The following OTOGL variants were observed in gnomAD, a reference collection of about 807,000 sequenced individuals.
OTOGL encodes the protein otogelin like, also known as otogelin-like protein.
OTOGL carries 285 observed loss-of-function variants against 318.5 expected under a neutral mutation model. That is an observed-to-expected ratio of 0.89 (90% CI 0.81 to 0.99). The LOEUF (loss-of-function observed/expected upper bound fraction) is 0.99, where lower values mean the gene tolerates loss of function less well. Among genes scored for constraint, OTOGL ranks in the 50% least tolerant of loss-of-function variants. The pLI is 0.00. For synonymous variants in OTOGL, 987 were observed against 936.5 expected (o/e 1.05, Z -0.99); for missense variants, 2,899 against 2,845.6 (o/e 1.02, Z -0.43).
In OTOGL at chr12:80,148,353, C is replaced by A. The variant is rs1197741964; in HGVS notation, c.-20+48748C>A. Among the ~76,000 whole-genome samples the A allele has an allele frequency of 8.1e-5, 12 of 148,818 alleles. No individual in the cohort carries two copies. The South Asian group carries it at 8.8e-4, about 11-fold the overall frequency. On this transcript the variant is annotated intron_variant, in intron 1 of 58. Coordinates refer to ENST00000547103, the MANE Select transcript of OTOGL (RefSeq NM_001378609.3). ...GATATGAAATTCTGGGTTGCAAATT[C>A]TTTTCTTTAAGAATGTTGAATATTG...
At chr12:80,277,044 T>C (rs1459565387) in intron 24 of OTOGL, among the ~76,000 whole-genome samples, 1 of 150,650 alleles carries the variant, frequency 6.6e-6, no homozygotes, top group Non-Finnish European at 1.5e-5. Context: ...TTTTATATTT[T>C]AAAGCAAAAT....
chr12:80,137,276 C>A (rs1353232425), intron 1 of OTOGL, among the ~76,000 whole-genome samples: 1 of 151,784 alleles, frequency 6.6e-6, no homozygotes, highest in East Asian at 1.9e-4. Flanking sequence ...AGAAAAAAAC[C>A]ATGTCACTGA....
chr12:80,267,282 G>T lies in OTOGL; in HGVS notation c.2420G>T (p.Ser807Ile). The change falls in exon 22 of 59, where the codon AGT becomes ATT. Residue 807 changes from serine (S) to isoleucine (I), a missense_variant. Transcript: ENST00000547103. ...CACTGCCGTTGTCATTATAGGGGCA[G>T]TGTTTATCAACCTGGAGAGCTCATC... ...IFHCRCHYRG[S>I]VYQPGELIPT... is the part of the protein sequence containing the mutation. 1 of 1,565,208 alleles carries T rather than the reference G, an allele frequency of 6.4e-7. No individual in the cohort carries two copies. Among genetic ancestry groups the T allele is most frequent in the Non-Finnish European group, 8.7e-7 (1 of 1,144,392 alleles).
At chr12:80,157,921 G>A (rs991480359) in intron 1 of OTOGL, among the ~76,000 whole-genome samples, 2 of 152,008 alleles carry the variant, frequency 1.3e-5, no homozygotes, top group Non-Finnish European at 2.9e-5. Flanking sequence ...AATTCCTGAA[G>A]TGGTTTCTAC....
chr12:80,104,882 T>A (rs577090167), intron 1 of OTOGL, among the ~76,000 whole-genome samples: 48 of 152,120 alleles, frequency 3.2e-4, no homozygotes, highest in Non-Finnish European at 6.5e-4. Context: ...ATCACCTGAG[T>A]TCGGGAGTTC....
intron 26 of OTOGL, among the ~76,000 whole-genome samples, chr12:80,295,590 T>C (rs1885339200): frequency 6.6e-6 from 1 of 152,160 alleles, no homozygotes. Flanking sequence ...AAATTGAACA[T>C]TGAATCCAAA....
Position 80,126,320 on chromosome 12 carries a change from G to T in OTOGL, c.-20+26715G>T, listed in dbSNP as rs191681593. 2.9e-3 allele frequency among the ~76,000 whole-genome samples: 444 copies of T among 152,168 alleles called. 3 individuals are homozygous for T. Among genetic ancestry groups the T allele is most frequent in the African/African-American group, 0.01 (420 of 41,502 alleles). Reference sequence around the variant, plus strand: ...GTACCCAGTAGTCATTCAGGAGCAGGTTGTTCAGTTTCCATGTAGTTGAGC... The same window carrying T: ...GTACCCAGTAGTCATTCAGGAGCAGTTTGTTCAGTTTCCATGTAGTTGAGC... On this transcript the variant is annotated intron_variant, in intron 1 of 58. Transcript: ENST00000547103.
chr12:80,211,506 T>G (rs1208344004), intron 3 of OTOGL, among the ~76,000 whole-genome samples: 1 of 152,114 alleles, frequency 6.6e-6, no homozygotes, highest in East Asian at 1.9e-4. Flanking sequence ...CAATTTGATG[T>G]TTTTACTTAC....
chr12:80,199,222 T>A (rs1468971799), intron 1 of OTOGL, among the ~76,000 whole-genome samples: 1 of 152,182 alleles, frequency 6.6e-6, no homozygotes, highest in Non-Finnish European at 1.5e-5. Context: ...CAGTAGGTCT[T>A]CTATTTCCTC....
At chr12:80,354,749 A>G (rs892949258) in intron 46 of OTOGL, among the ~76,000 whole-genome samples, 3 of 152,216 alleles carry the variant, frequency 2.0e-5, no homozygotes, top group Non-Finnish European at 2.9e-5. Flanking sequence ...TTAGAGATCT[A>G]TGAGATTTGG....
At chr12:80,244,377 G>A (rs1300942701) in intron 11 of OTOGL, among the ~76,000 whole-genome samples, 2 of 134,914 alleles carry the variant, frequency 1.5e-5, no homozygotes, top group Non-Finnish European at 3.1e-5. Context: ...GTGTCCATGT[G>A]ATCTCATTGT....
At chr12:80,341,759 C>A (rs1888782341) in intron 43 of OTOGL, among the ~76,000 whole-genome samples, 189 bp from the exon 44 acceptor site, 1 of 152,156 alleles carries the variant, frequency 6.6e-6, no homozygotes, top group African/African-American at 2.4e-5. Context: ...GTTAGTTCTA[C>A]ACTATTTTAT....
chr12:80,352,458 A>AATG (rs34111348), intron 45 of OTOGL, 22 bp downstream of exon 45: 2 of 1,525,308 alleles, frequency 1.3e-6, no homozygotes, highest in African/African-American at 1.4e-5. Context: ...TTAACTGAAT[A>AATG]TTTTTCCATC....
rs1204116439 is a variant in OTOGL, at chr12:80,379,396, A to C, written c.*1348A>C. The stretch of plus-strand genomic sequence containing the variant: ...TTTCATTTCAAAATCATGTGTCCCC[A>C]AAATATTGCAACTTACTGAATATTT... On this transcript the variant is annotated 3_prime_UTR_variant, in exon 59 of 59. Coordinates refer to ENST00000547103, the MANE Select transcript of OTOGL (RefSeq NM_001378609.3). The C allele has an allele frequency of 6.6e-6, 1 of 151,958 alleles. No homozygotes were observed. Among genetic ancestry groups the C allele is most frequent in the Non-Finnish European group, 1.5e-5 (1 of 67,882 alleles). 9.4% of individuals were successfully genotyped at this position (151,958 alleles called of 1,614,324 possible).
intron 32 of OTOGL, among the ~76,000 whole-genome samples, chr12:80,318,239 T>C (rs1301274563): frequency 6.6e-6 from 1 of 152,148 alleles, no homozygotes; most frequent in Non-Finnish European, 1.5e-5. Flanking sequence ...TGAGTTAAAT[T>C]GGCTTTGAGG....
intron 1 of OTOGL, among the ~76,000 whole-genome samples, chr12:80,146,093 T>C (rs1269672663): frequency 6.6e-6 from 1 of 150,508 alleles, no homozygotes; most frequent in Non-Finnish European, 1.5e-5. Context: ...TCCAACACCC[T>C]GTTGAATAGG....
At chr12:80,106,819 A>G (rs926353178) in intron 1 of OTOGL, among the ~76,000 whole-genome samples, 1 of 151,988 alleles carries the variant, frequency 6.6e-6, no homozygotes, top group Non-Finnish European at 1.5e-5. Flanking sequence ...AGTTTTATCA[A>G]TTCAGCAGTG....
At chr12:80,160,656 A>G (rs1873447704) in intron 1 of OTOGL, among the ~76,000 whole-genome samples, 2 of 152,208 alleles carry the variant, frequency 1.3e-5, no homozygotes, top group Non-Finnish European at 2.9e-5. Flanking sequence ...TAGTGCAGCC[A>G]CTATGAAAAA....
At chr12:80,260,982 C>G (rs1199027525) in intron 18 of OTOGL, among the ~76,000 whole-genome samples, 1 of 152,010 alleles carries the variant, frequency 6.6e-6, no homozygotes, top group African/African-American at 2.4e-5. Flanking sequence ...CAGTTCTTTA[C>G]AGTTATGGGC....
Sources: gnomAD v4.1 joint callset for allele counts (sites outside exome capture counted in the v4.1 genomes callset) on GRCh38, gnomAD v4.1.1 for gene constraint, MANE v1.5 for transcripts, NCBI Gene and HGNC (gene_info 2026-07-23, HGNC 2026-07-21) for gene names.